The following PACS2 variants were observed in gnomAD, a reference collection of about 807,000 sequenced individuals.
The protein encoded by PACS2 is phosphofurin acidic cluster sorting protein 2, also known as PACS1-like protein.
A neutral mutation model predicts 113.0 loss-of-function variants in PACS2; 36 were observed. The observed-to-expected ratio is 0.32, with a 90% CI of 0.24 to 0.42. PACS2 has a LOEUF of 0.42. Among genes scored for constraint, PACS2 ranks in the 10% least tolerant of loss-of-function variants. The pLI is 1.00. For missense variants in PACS2, 1,015 were observed against 1,239.5 expected, an observed-to-expected ratio of 0.82 and a Z score of 2.72; for synonymous variants, 589 against 536.1, an observed-to-expected ratio of 1.10 and a Z score of -1.36.
chr14:105,308,984 GA>G (rs767759347), intron 1 of PACS2, among the ~76,000 whole-genome samples: 2 of 149,988 alleles, frequency 1.3e-5, no homozygotes, highest in African/African-American at 4.9e-5. Context: ...GAAAACAAAA[GA>G]AAAAAAAAGA....
chr14:105,349,968 ACCC>A (rs1555403571), intron 2 of PACS2, among the ~76,000 whole-genome samples: 4 of 144,914 alleles, frequency 2.8e-5, no homozygotes, highest in African/African-American at 1.1e-4. Context: ...TAATAGCAGG[ACCC>A]CGAGAACTTC....
chr14:105,351,201 G>C (rs1433548012), intron 2 of PACS2, among the ~76,000 whole-genome samples: 1 of 152,246 alleles, frequency 6.6e-6, no homozygotes, highest in Non-Finnish European at 1.5e-5. Flanking sequence ...GGGGCACGAG[G>C]TCCCCAAGCT....
intron 12 of PACS2, 62 bp downstream of exon 12, chr14:105,381,161 G>C: frequency 1.3e-6 from 2 of 1,495,248 alleles, no homozygotes; most frequent in Non-Finnish European, 1.8e-6. Context: ...GGGCCGTCAC[G>C]GGCATCAGTC....
rs2061029325 is a variant in PACS2 at position 105,368,510 on chromosome 14, T to G, written c.712T>G (p.Ser238Ala). 6.2e-7 allele frequency: 1 copy of G among 1,613,748 alleles called. No individual in the cohort carries two copies. The highest frequency in any genetic ancestry group is 1.1e-5 in the South Asian group (1 of 91,082). ...GGGGAAGCCGAAGAAGCAGCGGAGA[T>G]CGATTGTAAGAACGACGTCCATGAC... ...DVGKPKKQRR[S>A]IVRTTSMTRQ... The change falls in exon 7 of 25, where the codon TCG (serine) becomes GCG (alanine). Residue 238 changes from serine to alanine, a missense_variant. By Grantham distance (99) the Ser-to-Ala change is moderately conservative. Around this residue, in one of 3 missense-constraint regions of PACS2, gnomAD observed 859 missense variants for 1,056.8 expected, o/e 0.81. Coordinates refer to ENST00000447393, the MANE Select transcript of PACS2 (RefSeq NM_001100913.3).
intron 24 of PACS2, 135 bp downstream of exon 24, chr14:105,393,470 A>G: frequency 1.8e-6 from 1 of 550,206 alleles, no homozygotes; most frequent in East Asian, 3.2e-5. Flanking sequence ...GTGCAAGCAC[A>G]TTCGATGAAG....
intron 9 of PACS2, among the ~76,000 whole-genome samples, chr14:105,378,536 A>G (rs2080865591): frequency 6.6e-6 from 1 of 152,240 alleles, no homozygotes; most frequent in Admixed American, 6.5e-5. Context: ...CAGCCTCCTC[A>G]GTAGCTGAGA....
In PACS2 at chr14:105,314,934, C is replaced by A; in HGVS notation, c.16C>A (p.Arg6Ser). MAERGRLGLPGAPGAL... is the reference protein window; with the variant it reads MAERGSLGLPGAPGAL... ...GGCCGGCGCCATGGCCGAGCGAGGC[C>A]GCCTCGGCCTCCCCGGCGCGCCCGG... The change falls in exon 1 of 25, where the codon CGC (arginine) becomes AGC (serine). Residue 6 changes from arginine to serine, a missense_variant. Physicochemically the swap from Arg to Ser is moderately radical, Grantham distance 110. Coordinates refer to ENST00000447393, the MANE Select transcript of PACS2 (RefSeq NM_001100913.3). 2 of 1,113,504 alleles carry A rather than the reference C, an allele frequency of 1.8e-6. No individual in the cohort carries two copies. Among genetic ancestry groups the A allele is most frequent in the Non-Finnish European group, 1.1e-6 (1 of 901,050 alleles). 69.0% of individuals were successfully genotyped at this position (1,113,504 alleles called of 1,614,324 possible). A position where few individuals can be genotyped will look rare whatever the true frequency, so the allele number is the denominator to read the frequency against.
upstream of PACS2, among the ~76,000 whole-genome samples, chr14:105,310,533 C>CAAAAA (rs764203821): frequency 3.9e-4 from 31 of 79,150 alleles, no homozygotes; most frequent in Non-Finnish European, 5.3e-4. Context: ...GACTCTGTCT[C>CAAAAA]AAAAAAAAAA....
intron 4 of PACS2, among the ~76,000 whole-genome samples, chr14:105,362,291 G>T (rs377720957): frequency 2.1e-5 from 3 of 142,582 alleles, no homozygotes; most frequent in South Asian, 2.3e-4. Context: ...GGTGGCGGGC[G>T]CCTGTAGTCC....
In PACS2 at chr14:105,324,168, C is replaced by T. The variant is rs1361797543; in HGVS notation, c.119+9131C>T. On this transcript the variant is annotated intron_variant, in intron 1 of 24. Coordinates refer to ENST00000447393, the MANE Select transcript of PACS2 (RefSeq NM_001100913.3). This position sits in a 1 kb window ranked among gnomAD's most constrained non-coding sequence, Gnocchi z 4.7. ...TGCCCAGCATTCTCAGCATGCGTCT[C>T]AGGAAGGTTTGATGGAGTGGGCAGC... 6.6e-6 allele frequency among the ~76,000 whole-genome samples: 1 copy of T among 152,198 alleles called. No homozygotes were observed. Among genetic ancestry groups the T allele is most frequent in the Non-Finnish European group, 1.5e-5 (1 of 68,040 alleles).
At chr14:105,352,488 G>GC in intron 3 of PACS2, 21 bp downstream of exon 3, 1 of 1,483,562 alleles carries the variant, frequency 6.7e-7, no homozygotes, top group East Asian at 2.3e-5. Flanking sequence ...CACCAGTGGT[G>GC]ACGACACCCT....
At chr14:105,380,288 G>C (rs1460405688) in intron 11 of PACS2, 134 bp downstream of exon 11, 13 of 734,274 alleles carry the variant, frequency 1.8e-5, no homozygotes, top group Non-Finnish European at 2.9e-5. Flanking sequence ...GGTGGGGTCA[G>C]CCCTCAGGGG....
chr14:105,375,812 C>CA (rs1487289641), intron 8 of PACS2, among the ~76,000 whole-genome samples: 6 of 152,216 alleles, frequency 3.9e-5, no homozygotes, highest in African/African-American at 1.4e-4. Context: ...TGGACCCACT[C>CA]AGACGTTCAC....
intron 3 of PACS2, among the ~76,000 whole-genome samples, chr14:105,353,110 C>A: frequency 7.5e-6 from 1 of 132,468 alleles, no homozygotes. Flanking sequence ...TCACTGTCCC[C>A]TGGGGTGACG....
chr14:105,382,292 C>A (rs1419850674), intron 13 of PACS2, among the ~76,000 whole-genome samples, 185 bp from the exon 14 acceptor site: 1 of 152,226 alleles, frequency 6.6e-6, no homozygotes, highest in Non-Finnish European at 1.5e-5. Flanking sequence ...CCTCCCTGGT[C>A]CAGGGCAGCC....
Position 105,315,415 on chromosome 14 carries a change from T to C in PACS2, c.119+378T>C. On this transcript the variant is annotated intron_variant, in intron 1 of 24. Transcript: ENST00000447393. This position sits in a 1 kb window ranked among gnomAD's most constrained non-coding sequence, Gnocchi z 4.4. ...CCTCTCTCGGGTACCACACGCTTCC[T>C]TTCGCGTTCGGCGACACTGTCAGAC... 6.6e-6 allele frequency: 1 copy of C among 152,240 alleles called. No individual in the cohort carries two copies. The highest frequency in any genetic ancestry group is 1.9e-4 in the East Asian group (1 of 5,192). The allele number at this position is 152,240 out of a possible 1,614,324, so 9.4% of individuals were successfully genotyped here. A position where few individuals can be genotyped will look rare whatever the true frequency, so the allele number is the denominator to read the frequency against.
chr14:105,394,507 G>C, intron 24 of PACS2, 47 bp from the exon 25 acceptor site: 2 of 1,604,112 alleles, frequency 1.2e-6, no homozygotes, highest in Non-Finnish European at 1.7e-6. Flanking sequence ...GGATAGGGTG[G>C]GCAGGCCGGG....
chr14:105,304,619 A>G (rs2058128540), intron 1 of PACS2, among the ~76,000 whole-genome samples: 1 of 152,224 alleles, frequency 6.6e-6, no homozygotes, highest in Non-Finnish European at 1.5e-5. Context: ...CTATGGTCTG[A>G]ATGTGCATTG....
At chr14:105,388,237 G>T (rs587714055) in intron 19 of PACS2, among the ~76,000 whole-genome samples, 1 of 152,148 alleles carries the variant, frequency 6.6e-6, no homozygotes, top group Non-Finnish European at 1.5e-5. Context: ...CCAGGTTGGC[G>T]TCTGGGGAGG....
Sources: allele counts gnomAD v4.1 joint callset (sites outside exome capture counted in the v4.1 genomes callset), GRCh38; gene constraint gnomAD v4.1.1; regional missense constraint gnomAD v4.1.1; non-coding constraint Gnocchi (gnomAD v3.1); transcripts MANE v1.5; gene names NCBI Gene and HGNC (gene_info 2026-07-23, HGNC 2026-07-21).